Variants in WDR70 observed in about 807,000 individuals in gnomAD.
WDR70 encodes WD repeat domain 70, also known as WD repeat-containing protein 70.
Under a neutral mutation model 88.6 loss-of-function variants are expected in WDR70, and 53 were observed. The ratio of observed to expected loss-of-function variants is 0.60; its 90% CI spans 0.48 to 0.75. The LOEUF (loss-of-function observed/expected upper bound fraction) is 0.75. WDR70 is among the 30% of genes least tolerant of loss of function. WDR70 has a pLI of 0.00. For synonymous variants in WDR70, 280 were observed against 270.0 expected (o/e 1.04, Z -0.36); for missense variants, 610 against 823.2 (o/e 0.74, Z 3.17).
At chr5:37,636,776 C>T (rs1265528735) in intron 10 of WDR70, among the ~76,000 whole-genome samples, 1 of 152,040 alleles carries the variant, frequency 6.6e-6, no homozygotes, top group African/African-American at 2.4e-5. Flanking sequence ...CATGAGCTAT[C>T]CTAGATTGGA....
intron 9 of WDR70, among the ~76,000 whole-genome samples, chr5:37,525,678 C>T (rs1741244368): frequency 2.0e-5 from 3 of 152,082 alleles, no homozygotes; most frequent in East Asian, 3.9e-4. Context: ...TTCAAAAAAT[C>T]AGTGAATCCA....
intron 8 of WDR70, among the ~76,000 whole-genome samples, chr5:37,500,769 AG>A (rs1254731293): frequency 1.8e-5 from 2 of 111,676 alleles, no homozygotes; most frequent in African/African-American, 6.7e-5. Context: ...CTTGTTGCCC[AG>A]GCTGGAGTGC....
At chr5:37,541,752 A>T (rs1470935525) in intron 9 of WDR70, among the ~76,000 whole-genome samples, 1 of 152,208 alleles carries the variant, frequency 6.6e-6, no homozygotes, top group Non-Finnish European at 1.5e-5. Context: ...AAGCATTTGT[A>T]AAAAATGACC....
rs1345159870 is a variant in WDR70, at chr5:37,589,253, C to CACAA, written c.918-15808_918-15807insAACA. Among the ~76,000 whole-genome samples, 6 of 88,668 alleles carry CACAA rather than the reference C, an allele frequency of 6.8e-5. No individual in the cohort carries two copies. The East Asian group carries it at 1.5e-3, about 23-fold the overall frequency. 58.2% of individuals were successfully genotyped at this position (88,668 alleles called of 152,430 possible). A position where few individuals can be genotyped will look rare whatever the true frequency, so the allele number is the denominator to read the frequency against. On this transcript the variant is annotated intron_variant, in intron 9 of 17. Coordinates refer to ENST00000265107, the MANE Select transcript of WDR70 (RefSeq NM_018034.4). ...ATACATATATACCTACACACATACA[C>CACAA]ACACACACACACACACACACACACA... is the stretch of plus-strand genomic sequence containing the variant.
intron 6 of WDR70, among the ~76,000 whole-genome samples, chr5:37,440,731 T>A (rs1294243952): frequency 6.6e-6 from 1 of 152,236 alleles, no homozygotes; most frequent in Non-Finnish European, 1.5e-5. Flanking sequence ...GCAACAGAGA[T>A]CCTGATACTT....
chr5:37,727,181 ATGGTC>A, intron 17 of WDR70, 136 bp downstream of exon 17: 1 of 1,080,262 alleles, frequency 9.3e-7, no homozygotes, highest in Non-Finnish European at 1.3e-6. Context: ...CCAGGTACTC[ATGGTC>A]TTTAAACCTA....
chr5:37,601,369 A>G (rs1743877074), intron 9 of WDR70, among the ~76,000 whole-genome samples: 1 of 152,202 alleles, frequency 6.6e-6, no homozygotes, highest in Admixed American at 6.5e-5. Context: ...CCTGGGATAA[A>G]TCCCATTTGA....
chr5:37,553,523 A>G lies in WDR70; in HGVS notation c.917+36933A>G, dbSNP rs1373912760. 2.6e-5 allele frequency among the ~76,000 whole-genome samples: 4 copies of G among 152,186 alleles called. No homozygotes were observed. The South Asian group carries it at 6.2e-4, about 24-fold the overall frequency. On this transcript the variant is annotated intron_variant, in intron 9 of 17. Transcript: ENST00000265107. The stretch of plus-strand genomic sequence containing the variant: ...GAAATTGTCAGTGTGTGTCGCAAGC[A>G]GTACTGTTTCCTGAAGTTTTTGTTT...
rs995771774 is a variant in WDR70, at chr5:37,674,586, T to C, written c.1093-23069T>C. ...CTCACCCTTTTTTATGGCTGCATAG[T>C]ATTCCATGGTGTATATGTGCCACAT... On this transcript the variant is annotated intron_variant, in intron 10 of 17. Transcript: ENST00000265107. Among the ~76,000 whole-genome samples, 17 of 152,206 alleles carry C rather than the reference T, an allele frequency of 1.1e-4. 1 individual carries two copies. Among genetic ancestry groups the C allele is most frequent in the African/African-American group, 3.9e-4 (16 of 41,420 alleles).
intron 9 of WDR70, among the ~76,000 whole-genome samples, chr5:37,551,741 AATT>A (rs1742150516): frequency 1.3e-5 from 2 of 151,216 alleles, no homozygotes. Flanking sequence ...AAAAAAAAAA[AATT>A]ATTTTTTATT....
intron 8 of WDR70, among the ~76,000 whole-genome samples, chr5:37,491,747 A>G (rs1362867579): frequency 1.3e-5 from 2 of 152,174 alleles, no homozygotes; most frequent in African/African-American, 4.8e-5. Context: ...AGAACTTAAA[A>G]TATTTAATTT....
chr5:37,550,060 T>C (rs1936946612), intron 9 of WDR70, among the ~76,000 whole-genome samples: 1 of 152,152 alleles, frequency 6.6e-6, no homozygotes, highest in Admixed American at 6.5e-5. Context: ...AGATGGAGTT[T>C]TGCCATGTTG....
intron 9 of WDR70, among the ~76,000 whole-genome samples, chr5:37,531,889 T>C (rs1197088350): frequency 6.6e-6 from 1 of 152,162 alleles, no homozygotes; most frequent in East Asian, 1.9e-4. Context: ...TCTATTTTGT[T>C]GTATTCTGAG....
chr5:37,729,676 C>T (rs561105114), intron 17 of WDR70, among the ~76,000 whole-genome samples: 35 of 152,310 alleles, frequency 2.3e-4, no homozygotes, highest in Non-Finnish European at 3.8e-4. Context: ...TTCACCACCC[C>T]AGTGATTGTG....
At chr5:37,740,161 C>A (rs1561099885) in intron 17 of WDR70, among the ~76,000 whole-genome samples, 1 of 152,240 alleles carries the variant, frequency 6.6e-6, no homozygotes, top group East Asian at 1.9e-4. Flanking sequence ...GGGAAGAAAT[C>A]TCCTGGTTCT....
At chr5:37,748,509 C>T (rs1048864680) in intron 17 of WDR70, among the ~76,000 whole-genome samples, 2 of 152,096 alleles carry the variant, frequency 1.3e-5, no homozygotes, top group Non-Finnish European at 2.9e-5. Flanking sequence ...CCATAAAAAC[C>T]CTAGAAGAAA....
intron 9 of WDR70, among the ~76,000 whole-genome samples, chr5:37,518,572 A>G (rs1401263641): frequency 1.3e-5 from 2 of 151,610 alleles, no homozygotes; most frequent in Non-Finnish European, 2.9e-5. Flanking sequence ...TCCATTGTAT[A>G]TATGTACCAC....
intron 8 of WDR70, among the ~76,000 whole-genome samples, chr5:37,499,967 T>C (rs774396955): frequency 2.0e-5 from 3 of 152,228 alleles, no homozygotes; most frequent in Non-Finnish European, 4.4e-5. Context: ...TTTCAATAGC[T>C]TTTGGGGTAC....
intron 10 of WDR70, among the ~76,000 whole-genome samples, chr5:37,666,452 C>A (rs1258059209): frequency 6.6e-6 from 1 of 152,196 alleles, no homozygotes; most frequent in Non-Finnish European, 1.5e-5. Flanking sequence ...AAAGGCCAAT[C>A]AGCTTGTGCT....
Sources: allele counts gnomAD v4.1 joint callset (sites outside exome capture counted in the v4.1 genomes callset), GRCh38; gene constraint gnomAD v4.1.1; transcripts MANE v1.5; gene names NCBI Gene and HGNC (gene_info 2026-07-23, HGNC 2026-07-21).